Variants in RAB3GAP2 observed in about 807,000 individuals in gnomAD.
RAB3GAP2 encodes RAB3 GTPase activating non-catalytic protein subunit 2.
Under a neutral mutation model 185.3 loss-of-function variants are expected in RAB3GAP2, and 87 were observed. The ratio of observed to expected loss-of-function variants is 0.47; its 90% confidence interval spans 0.39 to 0.56. RAB3GAP2 has a LOEUF of 0.56. RAB3GAP2 is among the 20% of genes least tolerant of loss of function. The pLI, the probability that RAB3GAP2 is intolerant of heterozygous loss-of-function variation, is 0.00. For synonymous variants in RAB3GAP2, 554 were observed against 576.1 expected, an observed-to-expected ratio of 0.96 and a Z score of 0.55; for missense variants, 1,492 against 1,638.2, an observed-to-expected ratio of 0.91 and a Z score of 1.54.
intron 33 of RAB3GAP2, among the ~76,000 whole-genome samples, chr1:220,152,168 T>C (rs1447529826): frequency 6.6e-6 from 1 of 152,178 alleles, no homozygotes; most frequent in African/African-American, 2.4e-5. Context: ...CTCCACCTCC[T>C]GGGTTCAAGC....
rs879077076 is a variant in RAB3GAP2 at position 220,254,714 on chromosome 1, C to G, written c.115+17509G>C. 7.0e-5 allele frequency among the ~76,000 whole-genome samples: 10 copies of G among 143,540 alleles called. No homozygotes were observed. In the East Asian group the frequency reaches 1.8e-3, roughly 26 times the overall value. The allele number at this position is 143,540 out of a possible 152,430, so 94.2% of individuals were successfully genotyped here. A position where few individuals can be genotyped will look rare whatever the true frequency, so the allele number is the denominator to read the frequency against. On this transcript the variant is annotated intron_variant, in intron 1 of 34. Coordinates refer to ENST00000358951, the MANE Select transcript of RAB3GAP2 (RefSeq NM_012414.4). ...GGGGTAATAGCTCCTTTTTTCTTTT[C>G]TTTTTTTTTTTCATTTCAAAGTTGC...
intron 23 of RAB3GAP2, 34 bp downstream of exon 23, chr1:220,171,855 T>G (rs746074000): frequency 5.5e-5 from 89 of 1,613,736 alleles, no homozygotes; most frequent in Non-Finnish European, 7.2e-5. Flanking sequence ...CTACTGGATG[T>G]GTACAGATCA....
chr1:220,202,156 C>T, intron 9 of RAB3GAP2, 120 bp downstream of exon 9: 2 of 1,113,448 alleles, frequency 1.8e-6, no homozygotes, highest in Non-Finnish European at 2.4e-6. Flanking sequence ...CAGAGCAAAG[C>T]TCCATCTTAA....
intron 9 of RAB3GAP2, among the ~76,000 whole-genome samples, chr1:220,200,054 CCA>C (rs1468380926): frequency 6.6e-6 from 1 of 152,190 alleles, no homozygotes; most frequent in Non-Finnish European, 1.5e-5. Context: ...TGATCTAACC[CCA>C]GTCTGCATCT....
intron 1 of RAB3GAP2, among the ~76,000 whole-genome samples, chr1:220,254,704 TTTTTC>T (rs1217823200): frequency 6.6e-6 from 1 of 152,092 alleles, no homozygotes. Flanking sequence ...AATAGCTCCT[TTTTTC>T]TTTTCTTTTT....
chr1:220,171,290 G>A lies in RAB3GAP2; in HGVS notation c.2578-170C>T, dbSNP rs77315325. On this transcript the variant is annotated intron_variant, in intron 23 of 34. Transcript: ENST00000358951. Reference sequence around the variant, plus strand: ...GCTGGATGAAACATGAGGGTCAGGAGTAGATTGGAGACTCATGGGCAAGGA... The same window carrying A: ...GCTGGATGAAACATGAGGGTCAGGAATAGATTGGAGACTCATGGGCAAGGA... 0.036 allele frequency among the ~76,000 whole-genome samples: 5,458 copies of A among 152,268 alleles called. 256 individuals carry two copies. Among genetic ancestry groups the A allele is most frequent in the East Asian group, 0.22 (1,139 of 5,172 alleles).
chr1:220,191,680 T>C lies in RAB3GAP2; in HGVS notation c.1271-396A>G, dbSNP rs1415467404. On this transcript the variant is annotated intron_variant, in intron 13 of 34. Coordinates refer to ENST00000358951, the MANE Select transcript of RAB3GAP2 (RefSeq NM_012414.4). ...CTAAATACAAAAAATTAGCTAGGCA[T>C]GGCGGCGCATGCCTGTAATCCCAGC... 5.9e-5 allele frequency among the ~76,000 whole-genome samples: 9 copies of C among 152,096 alleles called. No individual in the cohort carries two copies. The East Asian group carries it at 9.7e-4, about 16-fold the overall frequency.
intron 1 of RAB3GAP2, among the ~76,000 whole-genome samples, chr1:220,252,092 G>A (rs1464770956): frequency 6.8e-6 from 1 of 148,038 alleles, no homozygotes; most frequent in Non-Finnish European, 1.5e-5. Flanking sequence ...GATGGTGGAG[G>A]CAGCAGTGAG....
chr1:220,195,300 G>C lies in RAB3GAP2; in HGVS notation c.1038C>G (p.Ala346=). 1 of 1,606,910 alleles carries C rather than the reference G, an allele frequency of 6.2e-7. No individual in the cohort carries two copies. Among genetic ancestry groups the C allele is most frequent in the South Asian group, 1.1e-5 (1 of 90,904 alleles). Residue 346 remains alanine, a splice_region_variant and synonymous_variant, in exon 11 of 35, where the codon GCC becomes GCG. Transcript: ENST00000358951. ...TATTTTAATTGTTAAGTAATTACCT[G>C]GCAGCATTAAATAAAGCAGAAGTGA... ...SKLTSALFNA[A]SGWLGWKSKH... is the part of the protein sequence containing the mutation.
rs185647458 is a variant in RAB3GAP2, at chr1:220,170,711, G to A, written c.2806+181C>T. 5.4e-3 allele frequency among the ~76,000 whole-genome samples: 823 copies of A among 152,320 alleles called. 10 individuals are homozygous for A. The highest frequency in any genetic ancestry group is 0.019 in the African/African-American group (785 of 41,568). ...GAGGGAAGCACCTAGCAGTTCCTGA[G>A]CGTGGAACTGACCAAATGAGACTTT... On this transcript the variant is annotated intron_variant, in intron 24 of 34. Coordinates refer to ENST00000358951, the MANE Select transcript of RAB3GAP2 (RefSeq NM_012414.4).
chr1:220,222,116 T>C (rs1169606542), intron 2 of RAB3GAP2, among the ~76,000 whole-genome samples: 1 of 152,196 alleles, frequency 6.6e-6, no homozygotes, highest in Non-Finnish European at 1.5e-5. Flanking sequence ...AAATAAAATA[T>C]TCATCTATAC....
rs201607286 is a variant in RAB3GAP2 at position 220,248,614 on chromosome 1, G to GTTT, written c.116-15754_116-15752dup. ...AAAATCCCAGTATAAATTTGGTTTG[G>GTTT]TTTTTTTTTTTTGGATAATTCTAAA... On this transcript the variant is annotated intron_variant, in intron 1 of 34. Transcript: ENST00000358951. 3.6e-3 allele frequency among the ~76,000 whole-genome samples: 513 copies of GTTT among 144,480 alleles called. 2 individuals carry two copies. Among genetic ancestry groups the GTTT allele is most frequent in the African/African-American group, 0.012 (488 of 39,914 alleles). 94.8% of individuals were successfully genotyped at this position (144,480 alleles called of 152,430 possible). A position where few individuals can be genotyped will look rare whatever the true frequency, so the allele number is the denominator to read the frequency against.
intron 8 of RAB3GAP2, 38 bp downstream of exon 8, chr1:220,205,869 C>T (rs1658953746): frequency 7.2e-7 from 1 of 1,389,994 alleles, no homozygotes; most frequent in East Asian, 2.3e-5. Flanking sequence ...ATAAAACAAA[C>T]ATTAACAGAG....
At chr1:220,238,597 T>C (rs981338852) in intron 1 of RAB3GAP2, among the ~76,000 whole-genome samples, 1 of 152,182 alleles carries the variant, frequency 6.6e-6, no homozygotes, top group Non-Finnish European at 1.5e-5. Context: ...ACACCCTTAA[T>C]AGCTGTTATA....
intron 4 of RAB3GAP2, chr1:220,211,243 T>C (rs1049903897): frequency 3.1e-6 from 2 of 655,620 alleles, no homozygotes; most frequent in South Asian, 1.5e-5. Flanking sequence ...TCACTCTGTA[T>C]TGTCATGAAA....
At chr1:220,192,138 G>A (rs377416311) in intron 13 of RAB3GAP2, among the ~76,000 whole-genome samples, 11 of 152,158 alleles carry the variant, frequency 7.2e-5, no homozygotes, top group Admixed American at 6.5e-5. Flanking sequence ...GTACAGCTTC[G>A]TCTTCGTATT....
In RAB3GAP2 at chr1:220,159,280, C is replaced by T. The variant is rs151021083; in HGVS notation, c.3261+106G>A. 833 of 923,370 alleles carry T rather than the reference C, an allele frequency of 9.0e-4. 8 individuals are homozygous for T. In the African/African-American group the frequency reaches 0.013, roughly 14 times the overall value. 57.2% of individuals were successfully genotyped at this position (923,370 alleles called of 1,614,324 possible). On this transcript the variant is annotated intron_variant, in intron 29 of 34. Transcript: ENST00000358951. ...TCATTTTTCTTATCTCCTTCTGATA[C>T]GTCATCACAATGATAAAAGGCAAAG...
At chr1:220,208,537 C>T (rs1013922701) in intron 7 of RAB3GAP2, among the ~76,000 whole-genome samples, 4 of 152,136 alleles carry the variant, frequency 2.6e-5, no homozygotes, top group African/African-American at 9.7e-5. Context: ...TTCCTACCAT[C>T]GCCTCAAACT....
At position 220,206,548 on chromosome 1, in the gene RAB3GAP2, G is replaced by T. The variant is rs73087811; in HGVS notation, c.613-542C>A. Among the ~76,000 whole-genome samples, 1,509 of 152,100 alleles carry T rather than the reference G, an allele frequency of 9.9e-3. 23 individuals are homozygous for T. The highest frequency in any genetic ancestry group is 0.035 in the African/African-American group (1,436 of 41,492). On this transcript the variant is annotated intron_variant, in intron 7 of 34. Coordinates refer to ENST00000358951, the MANE Select transcript of RAB3GAP2 (RefSeq NM_012414.4). ...TTTTACTTAACCAGTTCATATTGAC[G>T]GACATTCAGTTTGGCCTCCTGCTTC...
Sources: allele counts gnomAD v4.1 joint callset (sites outside exome capture counted in the v4.1 genomes callset), GRCh38; gene constraint gnomAD v4.1.1; transcripts MANE v1.5; gene names NCBI Gene and HGNC (gene_info 2026-07-23, HGNC 2026-07-21).